The following USP24 variants were observed in gnomAD, a reference collection of about 807,000 sequenced individuals.
The protein encoded by USP24 is ubiquitin carboxyl-terminal hydrolase 24.
USP24 carries 97 observed loss-of-function variants against 361.6 expected under a neutral mutation model. The ratio of observed to expected loss-of-function variants is 0.27; its 90% CI spans 0.23 to 0.32. The LOEUF is 0.32. Ranked by LOEUF, USP24 falls within the 10% of genes least tolerant of loss-of-function variation. The probability of loss-of-function intolerance (pLI) is 1.00; values close to 1 mark genes in which losing one functional copy is unlikely to be tolerated. For synonymous variants in USP24, 1,098 were observed against 1,124.6 expected (o/e 0.98, Z 0.47); for missense variants, 2,353 against 3,165.6 (o/e 0.74, Z 6.16).
chr1:55,114,053 A>G (rs765004753), intron 38 of USP24, among the ~76,000 whole-genome samples: 3 of 152,232 alleles, frequency 2.0e-5, no homozygotes, highest in Admixed American at 6.5e-5. Context: ...CAACTTCAGC[A>G]AAGTCTCAGG....
At chr1:55,133,956 G>A (rs578087696) in intron 30 of USP24, 114 bp downstream of exon 30, 23 of 1,036,264 alleles carry the variant, frequency 2.2e-5, no homozygotes, top group Non-Finnish European at 2.9e-5. Flanking sequence ...TTCAAAAGAA[G>A]AAAAAACATT....
intron 18 of USP24, 47 bp from the exon 19 acceptor site, chr1:55,147,107 C>T (rs952398632): frequency 6.7e-7 from 1 of 1,482,408 alleles, no homozygotes; most frequent in Non-Finnish European, 9.0e-7. Flanking sequence ...GCATTCATTC[C>T]TAAAAGCAAC....
At chr1:55,133,377 C>T (rs1366063389) in intron 30 of USP24, among the ~76,000 whole-genome samples, 1 of 152,076 alleles carries the variant, frequency 6.6e-6, no homozygotes, top group African/African-American at 2.4e-5. Context: ...CAGACATACG[C>T]AATGATCAGA....
At position 55,113,684 on chromosome 1, in the gene USP24, G is replaced by A. The variant is rs143967368; in HGVS notation, c.4509-3438C>T. ...AGCACATCAAAAAGCTATCCACCAC[G>A]ATCAAGTTGGCTTCATCCCTGGGAT... On this transcript the variant is annotated intron_variant, in intron 38 of 67. Transcript: ENST00000294383. Among the ~76,000 whole-genome samples the A allele has an allele frequency of 6.3e-3, 956 of 152,258 alleles. 7 individuals carry two copies. The highest frequency in any genetic ancestry group is 0.021 in the African/African-American group (885 of 41,554).
intron 58 of USP24, among the ~76,000 whole-genome samples, chr1:55,082,862 C>A (rs1293559294): frequency 2.0e-5 from 3 of 152,130 alleles, no homozygotes; most frequent in African/African-American, 7.2e-5. Context: ...AGTATTATAT[C>A]TGCACTATCA....
At chr1:55,084,006 T>A (rs1645202051) in intron 56 of USP24, 118 bp from the exon 57 acceptor site, 2 of 787,506 alleles carry the variant, frequency 2.5e-6, no homozygotes, top group Non-Finnish European at 4.1e-6. Flanking sequence ...TACAATCCAG[T>A]CTCAGATTCA....
At chr1:55,204,966 C>T (rs1644668130) in intron 1 of USP24, among the ~76,000 whole-genome samples, 1 of 152,122 alleles carries the variant, frequency 6.6e-6, no homozygotes, top group African/African-American at 2.4e-5. Flanking sequence ...ATAGCAGTCC[C>T]ACCTTCTTAA....
intron 1 of USP24, among the ~76,000 whole-genome samples, chr1:55,190,786 TGG>T (rs1435446447): frequency 6.6e-6 from 1 of 152,232 alleles, no homozygotes; most frequent in Non-Finnish European, 1.5e-5. Flanking sequence ...AACCAGCCTG[TGG>T]GTGTCCAGGT....
chr1:55,146,140 C>G, intron 19 of USP24, 31 bp from the exon 20 acceptor site: 2 of 1,525,232 alleles, frequency 1.3e-6, no homozygotes, highest in Non-Finnish European at 1.8e-6. Flanking sequence ...CACCCTATAA[C>G]TAAGATCCAT....
chr1:55,189,483 A>T (rs1471086577), intron 1 of USP24, among the ~76,000 whole-genome samples: 1 of 152,238 alleles, frequency 6.6e-6, no homozygotes, highest in Non-Finnish European at 1.5e-5. Flanking sequence ...AAAAGGCCGC[A>T]TATTGTATCA....
chr1:55,077,295 T>G lies in USP24; in HGVS notation c.7320A>C (p.Gln2440His), dbSNP rs17111576. The G allele has an allele frequency of 1.3e-6, 2 of 1,558,432 alleles. No homozygotes were observed. Among genetic ancestry groups the G allele is most frequent in the African/African-American group, 1.4e-5 (1 of 73,708 alleles). Residue 2440 changes from glutamine to histidine, a missense_variant, in exon 62 of 68, where the codon CAA becomes CAC. Gln to His is a conservative substitution (Grantham distance 24). Around this residue, in one of 8 missense-constraint regions of USP24, gnomAD observed 598 missense variants for 761.9 expected, o/e 0.78. Coordinates refer to ENST00000294383, the MANE Select transcript of USP24 (RefSeq NM_015306.3). ...SFTMLHFIKN[Q>H]LETAPPHELK... The stretch of plus-strand genomic sequence containing the variant: ...ACTCATGAGGTGGAGCCGTTTCTAG[T>G]TGGTTCTGAAATATTTTTTAAAAGC...
intron 28 of USP24, among the ~76,000 whole-genome samples, chr1:55,137,170 G>A (rs1646760966): frequency 6.6e-6 from 1 of 152,204 alleles, no homozygotes; most frequent in Non-Finnish European, 1.5e-5. Context: ...ACACGTATCA[G>A]CTTCAATGAA....
chr1:55,076,955 G>A (rs1645041802), intron 62 of USP24, among the ~76,000 whole-genome samples: 1 of 152,126 alleles, frequency 6.6e-6, no homozygotes, highest in Non-Finnish European at 1.5e-5. Flanking sequence ...CCTGGCAGGG[G>A]TTAACCATCA....
chr1:55,165,165 C>CA (rs1177687889), intron 7 of USP24, among the ~76,000 whole-genome samples: 1 of 152,104 alleles, frequency 6.6e-6, no homozygotes, highest in East Asian at 1.9e-4. Flanking sequence ...ACTGTAAGCA[C>CA]AATCTGTAAC....
At chr1:55,188,846 G>A (rs1001778160) in intron 1 of USP24, among the ~76,000 whole-genome samples, 5 of 151,748 alleles carry the variant, frequency 3.3e-5, no homozygotes, top group Non-Finnish European at 5.9e-5. Context: ...TGTAATCCCA[G>A]CTACTAGGGA....
intron 1 of USP24, among the ~76,000 whole-genome samples, chr1:55,204,352 A>T (rs1319547515): frequency 6.6e-6 from 1 of 152,332 alleles, no homozygotes; most frequent in East Asian, 1.9e-4. Context: ...CCATTTCATT[A>T]AAATAATTAA....
At chr1:55,161,385 AG>A (rs1648265846) in intron 8 of USP24, among the ~76,000 whole-genome samples, 1 of 151,634 alleles carries the variant, frequency 6.6e-6, no homozygotes, top group South Asian at 2.1e-4. Flanking sequence ...AAAAAAAAAA[AG>A]AAAAGAAAAG....
intron 36 of USP24, among the ~76,000 whole-genome samples, chr1:55,121,814 T>C (rs1002606330): frequency 2.6e-5 from 4 of 152,198 alleles, no homozygotes; most frequent in African/African-American, 9.6e-5. Context: ...AAATATACCT[T>C]AAAATAAACT....
At chr1:55,174,217 T>C (rs557792535) in intron 3 of USP24, among the ~76,000 whole-genome samples, 2 of 152,232 alleles carry the variant, frequency 1.3e-5, no homozygotes, top group East Asian at 3.9e-4. Flanking sequence ...AAAGAAAATG[T>C]GTGACAGCTC....
Sources: allele counts gnomAD v4.1 joint callset (sites outside exome capture counted in the v4.1 genomes callset), GRCh38; gene constraint gnomAD v4.1.1; regional missense constraint gnomAD v4.1.1; transcripts MANE v1.5; gene names NCBI Gene and HGNC (gene_info 2026-07-23, HGNC 2026-07-21).